The following ABAT variants were observed in gnomAD, a reference collection of about 807,000 sequenced individuals.
ABAT encodes the protein 4-aminobutyrate aminotransferase, also known as 4-aminobutyrate aminotransferase, mitochondrial.
A neutral mutation model predicts 64.6 loss-of-function variants in ABAT; 45 were observed. That is an observed-to-expected ratio of 0.70 (90% CI 0.55 to 0.89). The LOEUF (loss-of-function observed/expected upper bound fraction) is 0.89, where lower values mean the gene tolerates loss of function less well. Ranked by LOEUF, ABAT falls within the 40% of genes least tolerant of loss-of-function variation. ABAT has a pLI of 0.00. For synonymous variants in ABAT, 297 were observed against 250.5 expected (o/e 1.19, Z -1.75); for missense variants, 633 against 658.4 (o/e 0.96, Z 0.42).
At chr16:8,737,502 TC>T (rs2058982055) in intron 2 of ABAT, 2 of 109,658 alleles carry the variant, frequency 1.8e-5, no homozygotes, top group Admixed American at 9.2e-5. Flanking sequence ...TAAATAAACA[TC>T]TTATTTTTTA....
At chr16:8,763,161 G>A (rs2059846777) in intron 6 of ABAT, among the ~76,000 whole-genome samples, 2 of 150,584 alleles carry the variant, frequency 1.3e-5, no homozygotes, top group African/African-American at 4.9e-5. Flanking sequence ...GTTGTGCCAA[G>A]CATGAGCATT....
intron 1 of ABAT, among the ~76,000 whole-genome samples, chr16:8,696,375 C>A (rs1186093578): frequency 6.6e-6 from 1 of 152,196 alleles, no homozygotes; most frequent in Admixed American, 6.5e-5. Flanking sequence ...GTAATCCCAA[C>A]ACTTTGGGAG....
At chr16:8,756,059 C>A (rs375131614) in intron 5 of ABAT, among the ~76,000 whole-genome samples, 1 of 145,374 alleles carries the variant, frequency 6.9e-6, no homozygotes, top group Non-Finnish European at 1.5e-5. Context: ...AAAAAAAAAA[C>A]AAAATTAGCC....
chr16:8,676,204 A>G (rs1480257567), intron 1 of ABAT, among the ~76,000 whole-genome samples: 1 of 152,136 alleles, frequency 6.6e-6, no homozygotes, highest in African/African-American at 2.4e-5. Flanking sequence ...GGGGAGAGGT[A>G]AATGGTCCAG....
At chr16:8,705,719 TTTAG>T (rs2142047348) in intron 1 of ABAT, among the ~76,000 whole-genome samples, 1 of 152,188 alleles carries the variant, frequency 6.6e-6, no homozygotes, top group African/African-American at 2.4e-5. Context: ...TTTGCTAGGT[TTTAG>T]TTGTTTTTTT....
chr16:8,773,878 A>C (rs747942038), intron 12 of ABAT, among the ~76,000 whole-genome samples: 27 of 152,298 alleles, frequency 1.8e-4, no homozygotes, highest in Non-Finnish European at 3.7e-4. Flanking sequence ...TAATGACATA[A>C]TTTCATTCTT....
intron 1 of ABAT, among the ~76,000 whole-genome samples, chr16:8,732,834 G>A (rs2058775970): frequency 6.7e-6 from 1 of 150,168 alleles, no homozygotes; most frequent in African/African-American, 2.5e-5. Context: ...GGACGGGGCG[G>A]CTGGCCGGGC....
intron 5 of ABAT, among the ~76,000 whole-genome samples, chr16:8,756,234 G>A (rs938379425): frequency 6.6e-6 from 1 of 152,076 alleles, no homozygotes; most frequent in Non-Finnish European, 1.5e-5. Context: ...AAGAGGGGAG[G>A]GGAAGGAATG....
chr16:8,743,038 T>C (rs2059210861), intron 2 of ABAT, among the ~76,000 whole-genome samples: 2 of 148,250 alleles, frequency 1.3e-5, no homozygotes, highest in South Asian at 2.1e-4. Context: ...GTCATCGATA[T>C]GTTCTAGGAC....
chr16:8,734,597 A>G (rs1262742539), intron 1 of ABAT, among the ~76,000 whole-genome samples: 1 of 152,210 alleles, frequency 6.6e-6, no homozygotes, highest in Non-Finnish European at 1.5e-5. Context: ...AATATTAATC[A>G]TACTGTATGT....
chr16:8,773,018 A>G (rs1020513943), intron 12 of ABAT, 101 bp downstream of exon 12: 20 of 1,523,558 alleles, frequency 1.3e-5, no homozygotes, highest in Non-Finnish European at 1.7e-5. Flanking sequence ...GCTTCTGTCA[A>G]TCTCCAGACT....
chr16:8,779,390 T>C (rs1033994544), intron 14 of ABAT, 89 bp from the exon 15 acceptor site: 3 of 1,103,110 alleles, frequency 2.7e-6, no homozygotes, highest in Non-Finnish European at 4.1e-6. Context: ...GGCTGGACCA[T>C]GGGAGGCCTT....
intron 5 of ABAT, among the ~76,000 whole-genome samples, chr16:8,757,030 A>G (rs1335514691): frequency 6.6e-6 from 1 of 152,206 alleles, no homozygotes; most frequent in Non-Finnish European, 1.5e-5. Context: ...TCTCTGAGCA[A>G]ACATTTGTCG....
intron 1 of ABAT, among the ~76,000 whole-genome samples, chr16:8,722,174 GC>G (rs1281167416): frequency 1.3e-5 from 2 of 152,246 alleles, no homozygotes; most frequent in African/African-American, 2.4e-5. Context: ...CAGGCCTGGG[GC>G]TATAGCCTTG....
intron 5 of ABAT, among the ~76,000 whole-genome samples, chr16:8,753,442 G>A (rs995231962): frequency 2.6e-5 from 4 of 152,266 alleles, no homozygotes; most frequent in Non-Finnish European, 4.4e-5. Flanking sequence ...GCCTGCCCCT[G>A]CCCTGCCCTG....
intron 1 of ABAT, among the ~76,000 whole-genome samples, chr16:8,707,353 A>ATTTTGTTTT (rs2057970507): frequency 8.1e-6 from 1 of 123,948 alleles, no homozygotes; most frequent in East Asian, 2.3e-4. Context: ...TGCCAGGGTA[A>ATTTTGTTTT]TTTTTTTTTT....
At chr16:8,735,048 A>T (rs2058873423) in intron 1 of ABAT, among the ~76,000 whole-genome samples, 1 of 150,526 alleles carries the variant, frequency 6.6e-6, no homozygotes, top group African/African-American at 2.5e-5. Context: ...TCTCTACTTA[A>T]AAAAAAAAAT....
At chr16:8,748,921 C>A (rs1295184787) in intron 4 of ABAT, among the ~76,000 whole-genome samples, 1 of 152,126 alleles carries the variant, frequency 6.6e-6, no homozygotes, top group Non-Finnish European at 1.5e-5. Flanking sequence ...TAAAGTGTCT[C>A]CTGTAAACAG....
chr16:8,744,983 C>T (rs1395760449), intron 2 of ABAT, among the ~76,000 whole-genome samples: 1 of 151,954 alleles, frequency 6.6e-6, no homozygotes, highest in South Asian at 2.1e-4. Flanking sequence ...GGTTGTTTTC[C>T]CTTTGTTTTT....
Sources: gnomAD v4.1 joint callset for allele counts (sites outside exome capture counted in the v4.1 genomes callset) on GRCh38, gnomAD v4.1.1 for gene constraint, MANE v1.5 for transcripts, NCBI Gene and HGNC (gene_info 2026-07-23, HGNC 2026-07-21) for gene names.